SNTG1: variants seen among roughly 807,000 people sequenced by gnomAD.
SNTG1 encodes gamma-1-syntrophin.
Under a neutral mutation model 74.7 loss-of-function variants are expected in SNTG1, and 39 were observed. The ratio of observed to expected loss-of-function variants is 0.52; its 90% CI spans 0.40 to 0.68. SNTG1 has a LOEUF of 0.68. Ranked by LOEUF, SNTG1 falls within the 30% of genes least tolerant of loss-of-function variation. The probability of loss-of-function intolerance (pLI) is 0.00; values close to 1 mark genes in which losing one functional copy is unlikely to be tolerated. For synonymous variants in SNTG1, 254 were observed against 217.1 expected (o/e 1.17, Z -1.49); for missense variants, 685 against 609.5 (o/e 1.12, Z -1.30).
intron 2 of SNTG1, among the ~76,000 whole-genome samples, chr8:50,314,340 T>A (rs1278590628): frequency 6.7e-6 from 1 of 149,694 alleles, no homozygotes; most frequent in Admixed American, 6.8e-5. Flanking sequence ...TCAGTGTAGC[T>A]ATTTTCATTT....
At chr8:50,260,977 T>G (rs551441732) in intron 2 of SNTG1, among the ~76,000 whole-genome samples, 1 of 152,248 alleles carries the variant, frequency 6.6e-6, no homozygotes, top group South Asian at 2.1e-4. Flanking sequence ...GCAAAATATT[T>G]AAAGCAACAG....
At chr8:50,138,628 CA>C (rs397892914) in intron 1 of SNTG1, among the ~76,000 whole-genome samples, 1 of 140,864 alleles carries the variant, frequency 7.1e-6, no homozygotes, top group Admixed American at 7.2e-5. Context: ...TCTGTCTCAA[CA>C]ATAATAATAA....
intron 1 of SNTG1, among the ~76,000 whole-genome samples, chr8:49,915,889 G>A (rs765346827): frequency 1.3e-5 from 2 of 152,076 alleles, no homozygotes; most frequent in Non-Finnish European, 2.9e-5. Flanking sequence ...TTATTCATAG[G>A]CCTCTTTAGG....
At chr8:50,627,574 A>G (rs10088424) in intron 13 of SNTG1, among the ~76,000 whole-genome samples, 34,593 of 152,148 alleles carry the variant, frequency 0.23, 8,842 homozygotes, top group African/African-American at 0.63. Context: ...TGTTATGGCA[A>G]CACAAAACAG....
intron 1 of SNTG1, among the ~76,000 whole-genome samples, chr8:49,939,746 A>G (rs924423898): frequency 5.3e-5 from 8 of 152,168 alleles, no homozygotes; most frequent in Admixed American, 2.0e-4. Context: ...TCTCTGTGGT[A>G]TATTCTATGT....
At chr8:50,567,166 A>G (rs1017741572) in intron 12 of SNTG1, among the ~76,000 whole-genome samples, 1 of 152,082 alleles carries the variant, frequency 6.6e-6, no homozygotes, top group South Asian at 2.1e-4. Context: ...TTAAGCAGCT[A>G]TGATCTTTGC....
intron 1 of SNTG1, among the ~76,000 whole-genome samples, chr8:50,122,460 C>A (rs914000876): frequency 7.2e-6 from 1 of 139,584 alleles, no homozygotes; most frequent in Non-Finnish European, 1.6e-5. Flanking sequence ...AGAAGTAGGT[C>A]AAAAAAAAGC....
At chr8:50,386,833 C>T (rs967814914) in intron 2 of SNTG1, among the ~76,000 whole-genome samples, 1 of 152,114 alleles carries the variant, frequency 6.6e-6, no homozygotes, top group Non-Finnish European at 1.5e-5. Flanking sequence ...CAAACACTCT[C>T]CACCGGGCCC....
chr8:49,923,350 C>A (rs1806725818), intron 1 of SNTG1, among the ~76,000 whole-genome samples: 2 of 151,958 alleles, frequency 1.3e-5, no homozygotes, highest in South Asian at 2.1e-4. Context: ...ATAAAATAGG[C>A]CTAATAGTAG....
intron 17 of SNTG1, among the ~76,000 whole-genome samples, chr8:50,741,289 G>C (rs756556273): frequency 6.6e-6 from 1 of 151,754 alleles, no homozygotes; most frequent in Admixed American, 6.6e-5. Flanking sequence ...GTCCTGGCTA[G>C]TTTTTGTATT....
chr8:50,068,290 C>A (rs1205643762), intron 1 of SNTG1, among the ~76,000 whole-genome samples: 1 of 152,154 alleles, frequency 6.6e-6, no homozygotes, highest in African/African-American at 2.4e-5. Flanking sequence ...TATCCTCAGG[C>A]AGATTACCCG....
At chr8:50,162,345 G>A (rs2082447108) in intron 1 of SNTG1, among the ~76,000 whole-genome samples, 1 of 151,928 alleles carries the variant, frequency 6.6e-6, no homozygotes, top group Non-Finnish European at 1.5e-5. Flanking sequence ...GGCGTATCAC[G>A]AGGTCAGGAG....
intron 15 of SNTG1, among the ~76,000 whole-genome samples, chr8:50,662,115 A>G (rs906911954): frequency 1.3e-5 from 2 of 152,176 alleles, no homozygotes; most frequent in African/African-American, 4.8e-5. Flanking sequence ...GGCATCTTCT[A>G]CAGCCTAAAT....
chr8:50,332,151 T>C (rs1389812163), intron 2 of SNTG1, among the ~76,000 whole-genome samples: 1 of 152,196 alleles, frequency 6.6e-6, no homozygotes, highest in East Asian at 1.9e-4. Flanking sequence ...TTATGAAATA[T>C]GAAAAATGTT....
chr8:49,954,319 A>C (rs1467043155), intron 1 of SNTG1, among the ~76,000 whole-genome samples: 3 of 152,204 alleles, frequency 2.0e-5, no homozygotes, highest in Admixed American at 2.0e-4. Context: ...TGGTTCAAGC[A>C]CTTGATTAGT....
rs139535734 is a variant in SNTG1, at chr8:50,046,808, T to C, written c.-102-125753T>C. Among the ~76,000 whole-genome samples the C allele has an allele frequency of 3.3e-3, 498 of 152,322 alleles. 3 individuals carry two copies. Among genetic ancestry groups the C allele is most frequent in the African/African-American group, 0.012 (481 of 41,580 alleles). ...TTCCCAGGTATCTGATTTTTTGATA[T>C]GTTATGTCTTAGCCTCCTTTACTTT... is the stretch of plus-strand genomic sequence containing the variant. On this transcript the variant is annotated intron_variant, in intron 1 of 18. Transcript: ENST00000642720.
intron 12 of SNTG1, among the ~76,000 whole-genome samples, chr8:50,554,859 T>C (rs1246975896): frequency 6.6e-6 from 1 of 152,122 alleles, no homozygotes; most frequent in East Asian, 1.9e-4. Flanking sequence ...CTTATATTTG[T>C]GAGACAAATA....
chr8:50,767,529 A>T (rs1020298579), intron 18 of SNTG1, among the ~76,000 whole-genome samples: 3 of 152,024 alleles, frequency 2.0e-5, no homozygotes, highest in African/African-American at 7.2e-5. Context: ...TGTTTTCCAA[A>T]GCCTAATTAA....
chr8:49,919,400 G>A (rs1004994781), intron 1 of SNTG1, among the ~76,000 whole-genome samples: 1 of 152,024 alleles, frequency 6.6e-6, no homozygotes, highest in Non-Finnish European at 1.5e-5. Flanking sequence ...CAGTGAAAGG[G>A]GAGACTACAT....
Sources: gnomAD v4.1 joint callset for allele counts (sites outside exome capture counted in the v4.1 genomes callset) on GRCh38, gnomAD v4.1.1 for gene constraint, MANE v1.5 for transcripts, NCBI Gene and HGNC (gene_info 2026-07-23, HGNC 2026-07-21) for gene names.